The following CCL17 variants were observed in gnomAD, a reference collection of about 807,000 sequenced individuals.
The protein encoded by CCL17 is C-C motif chemokine 17.
CCL17 carries 8 observed loss-of-function variants against 7.4 expected under a neutral mutation model. That is an observed-to-expected ratio of 1.09 (90% CI 0.64 to 1.96). CCL17 has a LOEUF of 1.96. Ranked by LOEUF, CCL17 falls within the 30% of genes most tolerant of loss-of-function variation. The pLI is 0.00. For synonymous variants in CCL17, 40 were observed against 46.1 expected, an observed-to-expected ratio of 0.87 and a Z score of 0.54; for missense variants, 102 against 113.0, an observed-to-expected ratio of 0.90 and a Z score of 0.44.
intron 1 of CCL17, among the ~76,000 whole-genome samples, chr16:57,407,920 CATCT>C (rs202144740): frequency 0.023 from 3,520 of 151,802 alleles, 126 homozygotes; most frequent in African/African-American, 0.08. Flanking sequence ...TCTACCCATC[CATCT>C]ATCTATTTAT....
chr16:57,401,261 C>T (rs528582932), upstream of CCL17, among the ~76,000 whole-genome samples: 1 of 151,758 alleles, frequency 6.6e-6, no homozygotes, highest in East Asian at 1.9e-4. Context: ...TGGTGGCTCA[C>T]GCCTGTAATC....
rs577495032 is a variant in CCL17 at position 57,410,287 on chromosome 16, C to T, written c.-59-3587C>T. On this transcript the variant is annotated intron_variant, in intron 1 of 3. Coordinates refer to ENST00000219244, the MANE Select transcript of CCL17 (RefSeq NM_002987.3). ...TGGCCCAGTGCCCTCTGGCTAAAGC[C>T]GAGTTGGGTGTTGCAGCAGCCCCTG... 1.5e-3 allele frequency among the ~76,000 whole-genome samples: 223 copies of T among 152,294 alleles called. 1 individual carries two copies. Among genetic ancestry groups the T allele is most frequent in the Non-Finnish European group, 1.9e-3 (127 of 68,010 alleles).
Position 57,413,861 on chromosome 16 carries a change from C to A in CCL17, c.-59-13C>A. The A allele has an allele frequency of 7.2e-7, 1 of 1,387,986 alleles. No homozygotes were observed. Among genetic ancestry groups the A allele is most frequent in the Non-Finnish European group, 9.9e-7 (1 of 1,009,500 alleles). The allele number at this position is 1,387,986 out of a possible 1,614,324, so 86.0% of individuals were successfully genotyped here. On this transcript the variant is annotated splice_polypyrimidine_tract_variant and intron_variant, in intron 1 of 3. Transcript: ENST00000219244. ...AGGTTAAATAGGTCACTGCCACCCT[C>A]GACTCTCAGCAGGGTGTCTCCCTGA...
Position 57,415,340 on chromosome 16 carries a change from TG to T in CCL17, c.188+145del, listed in dbSNP as rs1396114333. ...CAACCCCTGCAGGCTCCCCACACTG[TG>T]GGACCCAAAAGGGCCGCAGGCCATG... is the stretch of plus-strand genomic sequence containing the variant. On this transcript the variant is annotated intron_variant, in intron 3 of 3. Transcript: ENST00000219244. This position sits in a 1 kb window ranked among gnomAD's most constrained non-coding sequence, Gnocchi z 4.5. 1.5e-6 allele frequency: 1 copy of T among 653,380 alleles called. No individual in the cohort carries two copies. Among genetic ancestry groups the T allele is most frequent in the African/African-American group, 1.8e-5 (1 of 55,384 alleles). The allele number at this position is 653,380 out of a possible 1,614,324, so 40.5% of individuals were successfully genotyped here.
the CCL17 span, among the ~76,000 whole-genome samples, chr16:57,396,420 G>A: frequency 6.6e-6 from 1 of 152,186 alleles, no homozygotes; most frequent in African/African-American, 2.4e-5. Context: ...TACTTGCCAA[G>A]GTAGCTCCAG....
chr16:57,403,405 TAA>T (rs1491146210), upstream of CCL17, among the ~76,000 whole-genome samples: 17 of 22,056 alleles, frequency 7.7e-4, 4 homozygotes, highest in African/African-American at 3.9e-3. Flanking sequence ...ATATATATTA[TAA>T]TATATATATT....
intron 1 of CCL17, among the ~76,000 whole-genome samples, 195 bp from the exon 2 acceptor site, chr16:57,413,679 T>A (rs1214579579): frequency 6.6e-6 from 1 of 152,214 alleles, no homozygotes; most frequent in Non-Finnish European, 1.5e-5. Context: ...TAGACACATG[T>A]ACCCCACCTC....
Position 57,415,525 on chromosome 16 carries a change from G to C in CCL17, c.189-240G>C, listed in dbSNP as rs947773659. Among the ~76,000 whole-genome samples the C allele has an allele frequency of 6.6e-6, 1 of 152,210 alleles. No individual in the cohort carries two copies. The highest frequency in any genetic ancestry group is 1.9e-4 in the East Asian group (1 of 5,190). On this transcript the variant is annotated intron_variant, in intron 3 of 3. Transcript: ENST00000219244. This position sits in a 1 kb window ranked among gnomAD's most constrained non-coding sequence, Gnocchi z 4.5. ...ACGTCCCAGGCTCTAGACTGTCTGG[G>C]GGCATGGGCAGGCTGAGGGGTGGGC...
Position 57,413,884 on chromosome 16 carries a change from T to C in CCL17, c.-49T>C, listed in dbSNP as rs1902823815. On this transcript the variant is annotated 5_prime_UTR_variant, in exon 2 of 4. Transcript: ENST00000219244. ...CTCGACTCTCAGCAGGGTGTCTCCC[T>C]GAGCAGAGGGACCTGCACACAGAGA... 1 of 1,541,414 alleles carries C rather than the reference T, an allele frequency of 6.5e-7. No individual in the cohort carries two copies. Among genetic ancestry groups the C allele is most frequent in the African/African-American group, 1.4e-5 (1 of 73,484 alleles).
upstream of CCL17, among the ~76,000 whole-genome samples, chr16:57,401,428 G>A (rs1480099922): frequency 1.3e-5 from 2 of 151,932 alleles, no homozygotes; most frequent in Non-Finnish European, 2.9e-5. Context: ...GGAGGCTGAG[G>A]TGGGAGAGTC....
At chr16:57,403,110 A>T (rs1902616254), upstream of CCL17, among the ~76,000 whole-genome samples, 1 of 113,170 alleles carries the variant, frequency 8.8e-6, no homozygotes, top group South Asian at 2.4e-4. Flanking sequence ...AAATACATAT[A>T]TATATTTATA....
chr16:57,415,241 TG>T lies in CCL17; in HGVS notation c.188+47del, dbSNP rs752167185. 2 of 1,285,754 alleles carry T rather than the reference TG, an allele frequency of 1.6e-6. No homozygotes were observed. Among genetic ancestry groups the T allele is most frequent in the East Asian group, 2.3e-5 (1 of 43,286 alleles). The allele number at this position is 1,285,754 out of a possible 1,614,324, so 79.6% of individuals were successfully genotyped here. ...CACCCCTGCTCCTCAGGGCCAAGCA[TG>T]GGGACAAGTGCACCCTGGAGCTCCC... On this transcript the variant is annotated intron_variant, in intron 3 of 3. Coordinates refer to ENST00000219244, the MANE Select transcript of CCL17 (RefSeq NM_002987.3). The surrounding 1 kb of genome is among the most constrained non-coding windows in gnomAD (Gnocchi z 4.5).
the CCL17 span, among the ~76,000 whole-genome samples, chr16:57,397,355 C>T: frequency 6.6e-6 from 1 of 152,242 alleles, no homozygotes; most frequent in African/African-American, 2.4e-5. Flanking sequence ...CTGCCCTCTT[C>T]TGTCGTTAAC....
chr16:57,413,972 C>A lies in CCL17; in HGVS notation c.40C>A (p.Leu14Met). 6.2e-7 allele frequency: 1 copy of A among 1,611,698 alleles called. No individual in the cohort carries two copies. The highest frequency in any genetic ancestry group is 8.5e-7 in the Non-Finnish European group (1 of 1,179,126). The part of the protein sequence containing the change: ...LKMLALVTLL[L>M]GASLQHIHAA... ...GATGCTGGCCCTGGTCACCCTCCTC[C>A]TGGGGGCTTCTCTGCAGCACATCCA... The change falls in exon 2 of 4, where the codon CTG becomes ATG. Residue 14 changes from leucine to methionine, a missense_variant. Physicochemically the swap from Leu to Met is conservative, Grantham distance 15 (BLOSUM62 2). Transcript: ENST00000219244.
chr16:57,404,544 TG>T (rs1187197006), upstream of CCL17, among the ~76,000 whole-genome samples: 2 of 151,594 alleles, frequency 1.3e-5, no homozygotes, highest in African/African-American at 4.8e-5. Context: ...GCTTCAGACT[TG>T]GGGGGTTGGA....
upstream of CCL17, among the ~76,000 whole-genome samples, chr16:57,403,554 TATATATATAATATATA>T (rs1567561153): frequency 3.5e-5 from 1 of 28,492 alleles, no homozygotes; most frequent in East Asian, 9.3e-4. Flanking sequence ...ATATATTTTA[TATATATATAATATATA>T]TTTATAATAT....
chr16:57,400,728 G>T (rs568693835), upstream of CCL17, among the ~76,000 whole-genome samples: 1 of 152,274 alleles, frequency 6.6e-6, no homozygotes, highest in African/African-American at 2.4e-5. Context: ...CAGCACTTTG[G>T]GAGGCCAACC....
chr16:57,410,696 A>T (rs1353751502), intron 1 of CCL17, among the ~76,000 whole-genome samples: 1 of 152,204 alleles, frequency 6.6e-6, no homozygotes, highest in Non-Finnish European at 1.5e-5. Context: ...GCCTGGGAGA[A>T]CTGAGGAGGG....
upstream of CCL17, among the ~76,000 whole-genome samples, chr16:57,400,171 AACGCGGTGAAAC>A (rs1902571885): frequency 6.6e-6 from 1 of 152,108 alleles, no homozygotes; most frequent in Non-Finnish European, 1.5e-5. Flanking sequence ...CATCCTGGCT[AACGCGGTGAAAC>A]CCTATCTCTA....
Sources: gnomAD v4.1 joint callset for allele counts (sites outside exome capture counted in the v4.1 genomes callset) on GRCh38, gnomAD v4.1.1 for gene constraint, Gnocchi (gnomAD v3.1) non-coding constraint, MANE v1.5 for transcripts, NCBI Gene and HGNC (gene_info 2026-07-23, HGNC 2026-07-21) for gene names.